FALEC: variants seen among roughly 807,000 people sequenced by gnomAD.
FALEC encodes focally amplified lncRNA on chromosome 1.
the FALEC span, among the ~76,000 whole-genome samples, chr1:150,530,521 G>A: frequency 1.3e-5 from 2 of 152,102 alleles, no homozygotes; most frequent in Non-Finnish European, 2.9e-5. Context: ...CTCTGAGGCC[G>A]GTGCTCACTA....
downstream of FALEC, among the ~76,000 whole-genome samples, chr1:150,522,018 G>T (rs1460156985): frequency 1.3e-5 from 2 of 152,124 alleles, no homozygotes; most frequent in African/African-American, 4.8e-5. Context: ...TCCAAGGTGG[G>T]CAGATCACCT....
downstream of FALEC, among the ~76,000 whole-genome samples, chr1:150,522,630 A>G (rs9326002): frequency 0.34 from 51,223 of 150,726 alleles, 9,315 homozygotes; most frequent in Non-Finnish European, 0.41. Context: ...CAAAAAAAAA[A>G]AAAAAACAAG....
chr1:150,519,407 A>C (rs372099817), downstream of FALEC, among the ~76,000 whole-genome samples: 3 of 152,230 alleles, frequency 2.0e-5, no homozygotes, highest in Non-Finnish European at 4.4e-5. Context: ...GGTATATTAC[A>C]TTATTAATTT....
chr1:150,522,973 A>ATT (rs1560270867), downstream of FALEC, among the ~76,000 whole-genome samples: 24 of 30,698 alleles, frequency 7.8e-4, no homozygotes, highest in South Asian at 1.7e-3. Context: ...ATATATATAT[A>ATT]TATATATATA....
At chr1:150,517,459 G>A (rs587662367) in intron 1 of FALEC, among the ~76,000 whole-genome samples, 1 of 152,280 alleles carries the variant, frequency 6.6e-6, no homozygotes, top group South Asian at 2.1e-4. Flanking sequence ...CTGAATGTTT[G>A]TGTACCCCCA....
chr1:150,520,783 CTTTTTTTTTTTTTTT>C (rs71086518), downstream of FALEC, among the ~76,000 whole-genome samples: 1 of 42,818 alleles, frequency 2.3e-5, no homozygotes, highest in Admixed American at 3.8e-4. Flanking sequence ...CTTTTCTTTT[CTTTTTTTTTTTTTTT>C]TTTTTTTTTT....
the FALEC span, among the ~76,000 whole-genome samples, chr1:150,523,044 G>C: frequency 7.1e-5 from 9 of 127,600 alleles, no homozygotes; most frequent in South Asian, 2.7e-4. Flanking sequence ...ATGGAGTGCA[G>C]TGGCATGATT....
At chr1:150,535,896 A>G in the FALEC span, among the ~76,000 whole-genome samples, 1 of 152,206 alleles carries the variant, frequency 6.6e-6, no homozygotes, top group African/African-American at 2.4e-5. Context: ...TAGAGCACAT[A>G]GCAAGGGGCT....
the FALEC span, among the ~76,000 whole-genome samples, chr1:150,534,233 A>G: frequency 2.0e-5 from 3 of 152,166 alleles, no homozygotes. Context: ...CCTGAGCCCA[A>G]GGAGGCTGCA....
downstream of FALEC, among the ~76,000 whole-genome samples, chr1:150,521,056 C>A (rs587656708): frequency 6.6e-6 from 1 of 152,240 alleles, no homozygotes; most frequent in South Asian, 2.1e-4. Flanking sequence ...CTGTCTCAGC[C>A]TCTCAAAGTG....
chr1:150,522,934 T>TAC (rs1491544484), downstream of FALEC, among the ~76,000 whole-genome samples: 1 of 11,222 alleles, frequency 8.9e-5, no homozygotes, highest in African/African-American at 4.3e-4. Context: ...TACATATATA[T>TAC]GTGTGTGTGT....
At chr1:150,520,843 G>C (rs1431938608), downstream of FALEC, among the ~76,000 whole-genome samples, 3 of 118,596 alleles carry the variant, frequency 2.5e-5, no homozygotes, top group Admixed American at 1.2e-4. Flanking sequence ...GCCCAGGCTA[G>C]AGTGCAGTGG....
the FALEC span, among the ~76,000 whole-genome samples, chr1:150,534,581 A>T: frequency 7.9e-5 from 12 of 152,052 alleles, no homozygotes; most frequent in Admixed American, 5.9e-4. Context: ...CAGTGGCTCA[A>T]GCCTGTAATC....
chr1:150,524,712 C>G, the FALEC span, among the ~76,000 whole-genome samples: 2 of 152,126 alleles, frequency 1.3e-5, no homozygotes, highest in Admixed American at 1.3e-4. Context: ...TTTGCACCCA[C>G]TAAAATGGCT....
chr1:150,521,915 G>T (rs944963472), downstream of FALEC, among the ~76,000 whole-genome samples: 14 of 152,110 alleles, frequency 9.2e-5, no homozygotes, highest in African/African-American at 3.4e-4. Context: ...CAAATTGTAG[G>T]AACAGTATAT....
At chr1:150,525,617 G>A in the FALEC span, among the ~76,000 whole-genome samples, 1 of 151,898 alleles carries the variant, frequency 6.6e-6, no homozygotes, top group South Asian at 2.1e-4. Flanking sequence ...TTATTTTTTT[G>A]TTTTCATAAA....
downstream of FALEC, among the ~76,000 whole-genome samples, chr1:150,518,593 G>A (rs115114035): frequency 0.026 from 3,903 of 151,378 alleles, 170 homozygotes; most frequent in African/African-American, 0.089. Context: ...TCTCCATGTC[G>A]TTCAGGCTAG....
the FALEC span, among the ~76,000 whole-genome samples, chr1:150,533,683 A>C: frequency 0.98 from 149,168 of 152,138 alleles, 73,187 homozygotes; most frequent in East Asian, 1. Flanking sequence ...GTGATCCACC[A>C]GCCTCATCTT....
downstream of FALEC, among the ~76,000 whole-genome samples, chr1:150,520,783 CTTTTTTTTTT>C (rs71086518): frequency 1.2e-4 from 5 of 42,818 alleles, no homozygotes; most frequent in East Asian, 6.9e-4. Flanking sequence ...CTTTTCTTTT[CTTTTTTTTTT>C]TTTTTTTTTT....
Sources: allele counts gnomAD v4.1 joint callset (sites outside exome capture counted in the v4.1 genomes callset), GRCh38; gene constraint gnomAD v4.1.1; transcripts MANE v1.5; gene names NCBI Gene and HGNC (gene_info 2026-07-23, HGNC 2026-07-21).